Variants in HS6ST3 observed in about 807,000 individuals in gnomAD.
The protein encoded by HS6ST3 is heparan-sulfate 6-O-sulfotransferase 3.
A neutral mutation model predicts 36.7 loss-of-function variants in HS6ST3; 12 were observed. The ratio of observed to expected loss-of-function variants is 0.33; its 90% CI spans 0.21 to 0.53. The LOEUF (loss-of-function observed/expected upper bound fraction) is 0.53. Among genes scored for constraint, HS6ST3 ranks in the 20% least tolerant of loss-of-function variants. The pLI is 0.95. For synonymous variants in HS6ST3, 240 were observed against 257.5 expected, an observed-to-expected ratio of 0.93 and a Z score of 0.65; for missense variants, 584 against 640.9, an observed-to-expected ratio of 0.91 and a Z score of 0.96.
chr13:96,580,738 T>C (rs1483273345), intron 1 of HS6ST3, among the ~76,000 whole-genome samples: 3 of 152,188 alleles, frequency 2.0e-5, no homozygotes, highest in African/African-American at 2.4e-5. Flanking sequence ...ATGTAGATTT[T>C]GCTTTTTACT....
intron 1 of HS6ST3, among the ~76,000 whole-genome samples, chr13:96,451,539 A>G (rs1304491128): frequency 2.6e-5 from 4 of 152,174 alleles, no homozygotes; most frequent in African/African-American, 4.8e-5. Context: ...CTCAAGCCTC[A>G]TTAGTAGTGA....
At chr13:96,500,364 G>A (rs1217358837) in intron 1 of HS6ST3, among the ~76,000 whole-genome samples, 1 of 151,986 alleles carries the variant, frequency 6.6e-6, no homozygotes, top group Non-Finnish European at 1.5e-5. Flanking sequence ...CTACCTTCTG[G>A]CTGTTATAAA....
At chr13:96,283,818 C>T (rs903016656) in intron 1 of HS6ST3, among the ~76,000 whole-genome samples, 14 of 152,114 alleles carry the variant, frequency 9.2e-5, no homozygotes, top group Middle Eastern at 3.2e-3. Context: ...TGGATTCTGA[C>T]GCAGTTCGTC....
chr13:96,569,620 C>CT (rs201732964), intron 1 of HS6ST3, among the ~76,000 whole-genome samples: 131 of 151,432 alleles, frequency 8.7e-4, no homozygotes, highest in African/African-American at 2.6e-3. Flanking sequence ...AATTGAAAAT[C>CT]TTTTTTTTTC....
chr13:96,188,778 T>C (rs1211798387), intron 1 of HS6ST3, among the ~76,000 whole-genome samples: 1 of 152,202 alleles, frequency 6.6e-6, no homozygotes, highest in Non-Finnish European at 1.5e-5. Flanking sequence ...GTAATTGTTA[T>C]TATTATCAGA....
At chr13:96,664,812 T>TA (rs1211016708) in intron 1 of HS6ST3, among the ~76,000 whole-genome samples, 2 of 152,302 alleles carry the variant, frequency 1.3e-5, no homozygotes, top group African/African-American at 4.8e-5. Flanking sequence ...CCATCTCTTA[T>TA]AATAACTCTA....
At chr13:96,509,731 G>A (rs970689782) in intron 1 of HS6ST3, among the ~76,000 whole-genome samples, 7 of 152,188 alleles carry the variant, frequency 4.6e-5, no homozygotes, top group African/African-American at 1.7e-4. Context: ...GTAACCTGCT[G>A]TTTTAGTAAC....
intron 1 of HS6ST3, among the ~76,000 whole-genome samples, chr13:96,251,536 T>G (rs1291012115): frequency 6.6e-6 from 1 of 152,040 alleles, no homozygotes; most frequent in African/African-American, 2.4e-5. Flanking sequence ...AGACAACTAG[T>G]TTTGTTTATT....
intron 1 of HS6ST3, among the ~76,000 whole-genome samples, chr13:96,102,113 C>G (rs768797590): frequency 1.3e-5 from 2 of 152,126 alleles, no homozygotes; most frequent in Non-Finnish European, 2.9e-5. Context: ...ACACAGCTTC[C>G]TTGAGTTCCT....
intron 1 of HS6ST3, among the ~76,000 whole-genome samples, chr13:96,431,026 T>C (rs147464387): frequency 4.7e-4 from 72 of 151,878 alleles, no homozygotes; most frequent in African/African-American, 1.6e-3. Flanking sequence ...CTGGGCAGCA[T>C]AACAAGAGGC....
At chr13:96,301,476 A>G (rs2054881404) in intron 1 of HS6ST3, among the ~76,000 whole-genome samples, 3 of 152,204 alleles carry the variant, frequency 2.0e-5, no homozygotes. Flanking sequence ...TCAGCCAAAG[A>G]CTGGGGTACT....
In HS6ST3 at chr13:96,090,761, C is replaced by T. The variant is rs1286590627; in HGVS notation, c.-102C>T. ...GTCAGGGGCATGGAGGAACGGCGGGCTCCGAGCCGCGCCCCGGAGTCCGCG... is the reference window on the plus strand; with the variant it reads ...GTCAGGGGCATGGAGGAACGGCGGGTTCCGAGCCGCGCCCCGGAGTCCGCG... On this transcript the variant is annotated 5_prime_UTR_variant, in exon 1 of 2. Transcript: ENST00000376705. 2.1e-6 allele frequency: 2 copies of T among 971,190 alleles called. No individual in the cohort carries two copies. The highest frequency in any genetic ancestry group is 2.7e-6 in the Non-Finnish European group (2 of 742,582). The allele number at this position is 971,190 out of a possible 1,614,324, so 60.2% of individuals were successfully genotyped here.
intron 1 of HS6ST3, among the ~76,000 whole-genome samples, chr13:96,457,255 G>A (rs1173307496): frequency 1.3e-5 from 2 of 152,206 alleles, no homozygotes; most frequent in East Asian, 3.9e-4. Context: ...CTTAATGGAA[G>A]CAGTTTGCTT....
chr13:96,729,530 C>T (rs1237501020), intron 1 of HS6ST3, among the ~76,000 whole-genome samples: 2 of 152,112 alleles, frequency 1.3e-5, no homozygotes, highest in African/African-American at 2.4e-5. Flanking sequence ...GATCGTGGCT[C>T]ACTGCAGCCT....
chr13:96,646,206 T>C (rs1393642876), intron 1 of HS6ST3, among the ~76,000 whole-genome samples: 1 of 152,024 alleles, frequency 6.6e-6, no homozygotes, highest in African/African-American at 2.4e-5. Context: ...TCCAATTTAT[T>C]GGATGCATGT....
At chr13:96,509,750 T>G (rs2056041410) in intron 1 of HS6ST3, among the ~76,000 whole-genome samples, 1 of 152,204 alleles carries the variant, frequency 6.6e-6, no homozygotes, top group African/African-American at 2.4e-5. Flanking sequence ...ACGGTAGCCA[T>G]GTAGTATAAT....
intron 1 of HS6ST3, among the ~76,000 whole-genome samples, chr13:96,496,366 C>T (rs758831086): frequency 2.0e-5 from 3 of 152,174 alleles, no homozygotes; most frequent in Admixed American, 1.3e-4. Flanking sequence ...TGTACACTCA[C>T]GCTGCTTGAC....
chr13:96,595,419 A>G (rs1349961673), intron 1 of HS6ST3, among the ~76,000 whole-genome samples: 1 of 151,324 alleles, frequency 6.6e-6, no homozygotes, highest in African/African-American at 2.4e-5. Context: ...GAACTCTTTT[A>G]TATGTTATTT....
intron 1 of HS6ST3, among the ~76,000 whole-genome samples, chr13:96,416,661 AT>A (rs55827702): frequency 0.48 from 68,493 of 143,382 alleles, 15,983 homozygotes; most frequent in Non-Finnish European, 0.54. Flanking sequence ...CTGTAAGTGT[AT>A]TTTTTTTTTT....
Sources: gnomAD v4.1 joint callset for allele counts (sites outside exome capture counted in the v4.1 genomes callset) on GRCh38, gnomAD v4.1.1 for gene constraint, MANE v1.5 for transcripts, NCBI Gene and HGNC (gene_info 2026-07-23, HGNC 2026-07-21) for gene names.